The following AP1S3 variants were observed in gnomAD, a reference collection of about 807,000 sequenced individuals.
The protein encoded by AP1S3 is AP-1 complex subunit sigma-3.
AP1S3 carries 10 observed loss-of-function variants against 20.9 expected under a neutral mutation model. The observed-to-expected ratio is 0.48, with a 90% CI of 0.29 to 0.81. The LOEUF is 0.81. Ranked by LOEUF, AP1S3 falls within the 30% of genes least tolerant of loss-of-function variation. The pLI, the probability that AP1S3 is intolerant of heterozygous loss-of-function variation, is 0.08. For synonymous variants in AP1S3, 41 were observed against 61.5 expected (o/e 0.67, Z 1.56); for missense variants, 154 against 183.8 (o/e 0.84, Z 0.94).
intron 1 of AP1S3, among the ~76,000 whole-genome samples, chr2:223,796,956 G>A (rs768835386): frequency 6.6e-6 from 1 of 152,180 alleles, no homozygotes; most frequent in African/African-American, 2.4e-5. Context: ...GAGCCACGGC[G>A]CCTGGCCCTC....
At position 223,810,794 on chromosome 2, in the gene AP1S3, A is replaced by C. The variant is rs962044596; in HGVS notation, c.3+26654T>G. On this transcript the variant is annotated intron_variant, in intron 1 of 4. Coordinates refer to ENST00000396654, the MANE Select transcript of AP1S3 (RefSeq NM_001039569.2). ...AACAAATACGTTGTGATGAATGGAA[A>C]ACTCCTAATAAAGTAGGTAGTTATT... Among the ~76,000 whole-genome samples, 3 of 152,300 alleles carry C rather than the reference A, an allele frequency of 2.0e-5. No individual in the cohort carries two copies. In the South Asian group the frequency reaches 6.2e-4, roughly 32 times the overall value.
intron 1 of AP1S3, among the ~76,000 whole-genome samples, chr2:223,828,352 A>G (rs182698806): frequency 1.3e-4 from 18 of 140,920 alleles, no homozygotes; most frequent in Non-Finnish European, 2.1e-4. Flanking sequence ...GCTGGAGTGC[A>G]GTGGCACAAT....
intron 1 of AP1S3, among the ~76,000 whole-genome samples, chr2:223,833,783 TG>T (rs1692332394): frequency 6.6e-6 from 1 of 152,218 alleles, no homozygotes; most frequent in Non-Finnish European, 1.5e-5. Flanking sequence ...GCATTTACAA[TG>T]GCAAAGCTGT....
intron 3 of AP1S3, among the ~76,000 whole-genome samples, chr2:223,771,339 G>T (rs1216828270): frequency 2.6e-5 from 4 of 151,858 alleles, no homozygotes; most frequent in Admixed American, 1.3e-4. Context: ...TCTGTCTCGG[G>T]AAAAAGAAAC....
intron 1 of AP1S3, among the ~76,000 whole-genome samples, chr2:223,782,224 G>T (rs1690967864): frequency 6.6e-6 from 1 of 152,086 alleles, no homozygotes; most frequent in Admixed American, 6.6e-5. Context: ...TGTTGGCCAG[G>T]CTGGTCTTGA....
At chr2:223,766,411 G>T (rs1450698824) in intron 3 of AP1S3, among the ~76,000 whole-genome samples, 1 of 152,090 alleles carries the variant, frequency 6.6e-6, no homozygotes, top group African/African-American at 2.4e-5. Flanking sequence ...TTCTTTTGCT[G>T]TGCAGAAGCT....
chr2:223,821,927 C>T (rs1691995314), intron 1 of AP1S3, among the ~76,000 whole-genome samples: 3 of 134,304 alleles, frequency 2.2e-5, no homozygotes, highest in Admixed American at 2.2e-4. Context: ...CCCAAGTTCT[C>T]ATTTGACAAC....
At chr2:223,772,180 T>C (rs1299681834) in intron 3 of AP1S3, among the ~76,000 whole-genome samples, 3 of 152,258 alleles carry the variant, frequency 2.0e-5, no homozygotes. Flanking sequence ...ATTAATAGTT[T>C]ATTAAGTATT....
At chr2:223,763,063 A>G (rs1266276056) in intron 4 of AP1S3, among the ~76,000 whole-genome samples, 1 of 152,240 alleles carries the variant, frequency 6.6e-6, no homozygotes, top group African/African-American at 2.4e-5. Context: ...ATATTTACTG[A>G]CTTCACTGAA....
At chr2:223,762,979 A>G (rs1413089578) in intron 4 of AP1S3, among the ~76,000 whole-genome samples, 1 of 152,176 alleles carries the variant, frequency 6.6e-6, no homozygotes, top group African/African-American at 2.4e-5. Context: ...CAAGTATACT[A>G]CTGGCTCCTA....
intron 1 of AP1S3, among the ~76,000 whole-genome samples, chr2:223,827,774 AG>A (rs11296448): frequency 0.48 from 73,327 of 151,572 alleles, 17,816 homozygotes; most frequent in Middle Eastern, 0.57. Context: ...CATTTCTCTT[AG>A]AAATAGCCCT....
chr2:223,790,532 T>C (rs1691193073), intron 1 of AP1S3, among the ~76,000 whole-genome samples: 1 of 152,088 alleles, frequency 6.6e-6, no homozygotes, highest in Non-Finnish European at 1.5e-5. Flanking sequence ...CTGCGCCCAG[T>C]AATCGTTTGA....
Position 223,756,167 on chromosome 2 carries a change from A to C in AP1S3, c.*2548T>G, listed in dbSNP as rs56270976. 0.46 allele frequency: 183,664 copies of C among 398,304 alleles called. 44,892 individuals carry two copies. Among genetic ancestry groups the C allele is most frequent in the South Asian group, 0.61 (5,800 of 9,462 alleles). The allele number at this position is 398,304 out of a possible 1,614,324, so 24.7% of individuals were successfully genotyped here. A position where few individuals can be genotyped will look rare whatever the true frequency, so the allele number is the denominator to read the frequency against. On this transcript the variant is annotated 3_prime_UTR_variant, in exon 5 of 5. Coordinates refer to ENST00000396654, the MANE Select transcript of AP1S3 (RefSeq NM_001039569.2). Reference sequence around the variant, plus strand: ...AGCCTGACCAACATGGAGAAATCCCAACTCTACCAAAAATACAAAATTAGC... The same window carrying C: ...AGCCTGACCAACATGGAGAAATCCCCACTCTACCAAAAATACAAAATTAGC...
chr2:223,808,862 G>A (rs11884160), intron 1 of AP1S3, among the ~76,000 whole-genome samples: 48,382 of 151,968 alleles, frequency 0.32, 8,112 homozygotes, highest in Middle Eastern at 0.41. Flanking sequence ...TGGGTGTGGA[G>A]GAACATGCCT....
chr2:223,778,574 T>C (rs1283945508), intron 1 of AP1S3, among the ~76,000 whole-genome samples: 1 of 152,152 alleles, frequency 6.6e-6, no homozygotes, highest in Non-Finnish European at 1.5e-5. Context: ...CTTTAAAAAT[T>C]ATATTCCGGC....
At position 223,777,868 on chromosome 2, in the gene AP1S3, A is replaced by G; in HGVS notation, c.5T>C (p.Ile2Thr). The change falls in exon 2 of 5, where the codon ATA (isoleucine) becomes ACA (threonine). Residue 2 changes from isoleucine to threonine, a missense_variant and splice_region_variant. Physicochemically the swap from Ile to Thr is moderately conservative, Grantham distance 89. Coordinates refer to ENST00000396654, the MANE Select transcript of AP1S3 (RefSeq NM_001039569.2). ...TCGACTGAAGAGCAATATGAAATGT[A>G]TCTAGAACAAAGGACACAAAAAACA... M[I>T]HFILLFSRQG... is the part of the protein sequence containing the mutation. The G allele has an allele frequency of 6.2e-7, 1 of 1,611,472 alleles. No individual in the cohort carries two copies. The highest frequency in any genetic ancestry group is 8.5e-7 in the Non-Finnish European group (1 of 1,178,894).
chr2:223,770,191 A>G, intron 3 of AP1S3: 1 of 1,550,724 alleles, frequency 6.4e-7, no homozygotes, highest in African/African-American at 1.4e-5. Context: ...AGAAGAAAGC[A>G]GTTACCAGAG....
At chr2:223,809,929 A>G (rs1248869919) in intron 1 of AP1S3, among the ~76,000 whole-genome samples, 2 of 151,832 alleles carry the variant, frequency 1.3e-5, no homozygotes, top group Non-Finnish European at 2.9e-5. Context: ...GGGTTTCACC[A>G]TATTGGTGAG....
At position 223,801,960 on chromosome 2, in the gene AP1S3, A is replaced by G. The variant is rs563598373; in HGVS notation, c.4-24091T>C. Reference sequence around the variant, plus strand: ...GAAGTGACAATAAAATAGGTAGAAAAAGCTCTAAGTAAAGTTTTTGAACTG... The same window carrying G: ...GAAGTGACAATAAAATAGGTAGAAAGAGCTCTAAGTAAAGTTTTTGAACTG... On this transcript the variant is annotated intron_variant, in intron 1 of 4. Transcript: ENST00000396654. 3.9e-5 allele frequency among the ~76,000 whole-genome samples: 6 copies of G among 152,330 alleles called. No individual in the cohort carries two copies. In the East Asian group the frequency reaches 5.8e-4, roughly 15 times the overall value.
Sources: allele counts gnomAD v4.1 joint callset (sites outside exome capture counted in the v4.1 genomes callset), GRCh38; gene constraint gnomAD v4.1.1; transcripts MANE v1.5; gene names NCBI Gene and HGNC (gene_info 2026-07-23, HGNC 2026-07-21).